The following TRPC4 variants were observed in gnomAD, a reference collection of about 807,000 sequenced individuals.
TRPC4 encodes transient receptor potential cation channel subfamily C member 4.
Under a neutral mutation model 99.4 loss-of-function variants are expected in TRPC4, and 49 were observed. That is an observed-to-expected ratio of 0.49 (90% CI 0.39 to 0.63). The LOEUF (loss-of-function observed/expected upper bound fraction) is 0.63, where lower values mean the gene tolerates loss of function less well. Among genes scored for constraint, TRPC4 ranks in the 20% least tolerant of loss-of-function variants. The pLI, the probability that TRPC4 is intolerant of heterozygous loss-of-function variation, is 0.00. For missense variants in TRPC4, 898 were observed against 1,152.9 expected, an observed-to-expected ratio of 0.78 and a Z score of 3.20; for synonymous variants, 454 against 425.9, an observed-to-expected ratio of 1.07 and a Z score of -0.81.
At chr13:37,763,894 G>A (rs776915996) in intron 2 of TRPC4, among the ~76,000 whole-genome samples, 13 of 151,686 alleles carry the variant, frequency 8.6e-5, no homozygotes, top group Non-Finnish European at 1.6e-4. Flanking sequence ...TATGGCCATA[G>A]TAGGAGGTGA....
chr13:37,732,699 G>T (rs945763781), intron 3 of TRPC4, among the ~76,000 whole-genome samples: 1 of 151,990 alleles, frequency 6.6e-6, no homozygotes, highest in African/African-American at 2.4e-5. Flanking sequence ...ACAAAATCAA[G>T]AAGGCAATTT....
intron 4 of TRPC4, 71 bp downstream of exon 4, chr13:37,691,928 A>G: frequency 7.0e-7 from 1 of 1,423,774 alleles, no homozygotes; most frequent in Non-Finnish European, 9.6e-7. Flanking sequence ...ACATTAATGA[A>G]TATTTTCTGA....
At chr13:37,642,626 A>G (rs1218033987) in intron 8 of TRPC4, among the ~76,000 whole-genome samples, 1 of 151,976 alleles carries the variant, frequency 6.6e-6, no homozygotes, top group Non-Finnish European at 1.5e-5. Flanking sequence ...CTCAGATCTC[A>G]GTTTTTTCAG....
intron 1 of TRPC4, among the ~76,000 whole-genome samples, chr13:37,838,457 A>C (rs1320086066): frequency 6.6e-6 from 1 of 152,238 alleles, no homozygotes; most frequent in Non-Finnish European, 1.5e-5. Context: ...TCACAAAGGC[A>C]GAGTTAAAGT....
chr13:37,649,021 C>T (rs1482259841), intron 8 of TRPC4, among the ~76,000 whole-genome samples: 2 of 150,278 alleles, frequency 1.3e-5, no homozygotes, highest in Non-Finnish European at 3.0e-5. Flanking sequence ...TTTTTTTTGG[C>T]CCAGAAGCTC....
chr13:37,827,648 T>C (rs1192969182), intron 1 of TRPC4, among the ~76,000 whole-genome samples: 1 of 152,164 alleles, frequency 6.6e-6, no homozygotes, highest in Non-Finnish European at 1.5e-5. Flanking sequence ...TCCAGCTGCG[T>C]ACTGGGAGAA....
chr13:37,644,396 G>A (rs967625226), intron 8 of TRPC4, among the ~76,000 whole-genome samples: 1 of 152,032 alleles, frequency 6.6e-6, no homozygotes, highest in African/African-American at 2.4e-5. Flanking sequence ...AAGAAAATGG[G>A]TATTTAATTT....
intron 3 of TRPC4, among the ~76,000 whole-genome samples, chr13:37,697,291 T>A (rs1272506934): frequency 6.6e-6 from 1 of 152,128 alleles, no homozygotes. Flanking sequence ...TGTAACTGGA[T>A]AACTTCATAC....
chr13:37,745,473 T>TATATATATATAC (rs1288455219), intron 3 of TRPC4, among the ~76,000 whole-genome samples: 3 of 5,388 alleles, frequency 5.6e-4, no homozygotes, highest in African/African-American at 7.4e-4. Context: ...TATATATATA[T>TATATATATATAC]ACACACACAC....
chr13:37,691,320 G>A (rs185654473), intron 4 of TRPC4, among the ~76,000 whole-genome samples: 219 of 152,156 alleles, frequency 1.4e-3, no homozygotes, highest in African/African-American at 5.1e-3. Flanking sequence ...TAGCTAGGAT[G>A]GCTACGATCT....
intron 1 of TRPC4, among the ~76,000 whole-genome samples, chr13:37,858,320 A>G (rs1336578784): frequency 6.6e-6 from 1 of 151,712 alleles, no homozygotes; most frequent in African/African-American, 2.4e-5. Context: ...GTGGGTGGGA[A>G]TGTACATTAA....
intron 3 of TRPC4, among the ~76,000 whole-genome samples, chr13:37,729,587 G>A (rs1955178644): frequency 6.6e-6 from 1 of 152,110 alleles, no homozygotes; most frequent in Admixed American, 6.6e-5. Flanking sequence ...ACCAACCCAA[G>A]TGTCCTTCAG....
intron 6 of TRPC4, among the ~76,000 whole-genome samples, chr13:37,660,323 A>T (rs1037381806): frequency 1.3e-5 from 2 of 152,214 alleles, no homozygotes; most frequent in Non-Finnish European, 2.9e-5. Flanking sequence ...AAGCAGACAC[A>T]TTAAGTAAAA....
Position 37,634,273 on chromosome 13 carries a change from T to C in TRPC4, c.*2630A>G, listed in dbSNP as rs1951456370. On this transcript the variant is annotated 3_prime_UTR_variant, in exon 11 of 11. Transcript: ENST00000379705. Reference sequence around the variant, plus strand: ...CTTTGCTTGCTATCCTGCTGTTGTTTGACTTTTCTTATTTTATCCCTACTC... The same window carrying C: ...CTTTGCTTGCTATCCTGCTGTTGTTCGACTTTTCTTATTTTATCCCTACTC... Among the ~76,000 whole-genome samples, 1 of 152,108 alleles carries C rather than the reference T, an allele frequency of 6.6e-6. No homozygotes were observed. The highest frequency in any genetic ancestry group is 2.4e-5 in the African/African-American group (1 of 41,456).
intron 3 of TRPC4, among the ~76,000 whole-genome samples, chr13:37,693,426 A>C (rs2138887136): frequency 6.6e-6 from 1 of 152,306 alleles, no homozygotes; most frequent in Non-Finnish European, 1.5e-5. Flanking sequence ...GTTCCTTGTA[A>C]GAGACTTGGA....
intron 3 of TRPC4, among the ~76,000 whole-genome samples, chr13:37,717,823 AC>A (rs943492823): frequency 4.6e-5 from 7 of 151,940 alleles, no homozygotes; most frequent in African/African-American, 1.7e-4. Context: ...ATATAGACCA[AC>A]CCCCCCGAAA....
chr13:37,707,924 G>A (rs1236233705), intron 3 of TRPC4, among the ~76,000 whole-genome samples: 1 of 152,066 alleles, frequency 6.6e-6, no homozygotes, highest in Non-Finnish European at 1.5e-5. Context: ...CAAAACTGAA[G>A]GAACTGTGCC....
At chr13:37,721,020 A>C (rs186716025) in intron 3 of TRPC4, among the ~76,000 whole-genome samples, 64 of 152,312 alleles carry the variant, frequency 4.2e-4, no homozygotes, top group African/African-American at 1.5e-3. Context: ...TAGGAGACAC[A>C]TTCCAAACAA....
At chr13:37,701,163 A>C (rs942744909) in intron 3 of TRPC4, among the ~76,000 whole-genome samples, 1 of 152,236 alleles carries the variant, frequency 6.6e-6, no homozygotes, top group Admixed American at 6.5e-5. Flanking sequence ...AAAGGGACAA[A>C]AAGAGTTATA....
Sources: gnomAD v4.1 joint callset for allele counts (sites outside exome capture counted in the v4.1 genomes callset) on GRCh38, gnomAD v4.1.1 for gene constraint, MANE v1.5 for transcripts, NCBI Gene and HGNC (gene_info 2026-07-23, HGNC 2026-07-21) for gene names.